Variants in CMIP observed in about 807,000 individuals in gnomAD.
CMIP encodes the protein c-Maf inducing protein.
In CMIP, 13 loss-of-function variants were observed where a neutral mutation model predicts 97.3. The ratio of observed to expected loss-of-function variants is 0.13; its 90% CI spans 0.09 to 0.21. The LOEUF (loss-of-function observed/expected upper bound fraction) is 0.21, where lower values mean the gene tolerates loss of function less well. Among genes scored for constraint, CMIP ranks in the 10% least tolerant of loss-of-function variants. CMIP has a pLI of 1.00. For missense variants in CMIP, 847 were observed against 1,024.9 expected (o/e 0.83, Z 2.37); for synonymous variants, 538 against 436.3 (o/e 1.23, Z -2.91).
intron 3 of CMIP, among the ~76,000 whole-genome samples, chr16:81,623,346 T>C (rs141457913): frequency 2.4e-4 from 37 of 152,376 alleles, no homozygotes; most frequent in African/African-American, 8.9e-4. Flanking sequence ...GGTTTATTTA[T>C]GGTTGCTAAA....
At chr16:81,519,628 C>T (rs1425111067) in intron 1 of CMIP, 1 of 152,244 alleles carries the variant, frequency 6.6e-6, no homozygotes, top group Non-Finnish European at 1.5e-5. Context: ...CATTTAACCT[C>T]ACTTGAGGAA....
At chr16:81,468,588 G>C (rs1032607491) in intron 1 of CMIP, among the ~76,000 whole-genome samples, 1 of 152,260 alleles carries the variant, frequency 6.6e-6, no homozygotes, top group African/African-American at 2.4e-5. Flanking sequence ...TGCCCTTATG[G>C]GGCACCTCCT....
At chr16:81,474,871 G>A (rs1256036215) in intron 1 of CMIP, among the ~76,000 whole-genome samples, 1 of 151,712 alleles carries the variant, frequency 6.6e-6, no homozygotes, top group Non-Finnish European at 1.5e-5. Context: ...GGCGGGCGGG[G>A]AGGGAGTCGA....
At chr16:81,624,376 A>G (rs946151717) in intron 3 of CMIP, among the ~76,000 whole-genome samples, 1 of 151,980 alleles carries the variant, frequency 6.6e-6, no homozygotes, top group Non-Finnish European at 1.5e-5. Flanking sequence ...TTTCTCTCCT[A>G]CACCAATATA....
intron 1 of CMIP, among the ~76,000 whole-genome samples, chr16:81,454,809 C>T (rs1906445964): frequency 6.6e-6 from 1 of 152,254 alleles, no homozygotes; most frequent in East Asian, 1.9e-4. Flanking sequence ...GAGACGCCAT[C>T]ATGGGGGTGG....
At chr16:81,639,781 A>G (rs947292703) in intron 3 of CMIP, among the ~76,000 whole-genome samples, 1 of 152,136 alleles carries the variant, frequency 6.6e-6, no homozygotes, top group Non-Finnish European at 1.5e-5. Context: ...CCTGCCCCCA[A>G]CACCAGTCTG....
rs761833253 is a variant in CMIP, at chr16:81,701,753, C to T, written c.1849C>T (p.Arg617Cys). The T allele has an allele frequency of 4.3e-6, 7 of 1,613,822 alleles. No individual in the cohort carries two copies. Among genetic ancestry groups the T allele is most frequent in the South Asian group, 2.2e-5 (2 of 91,088 alleles). The change falls in exon 16 of 21, where the codon CGC (arginine) becomes TGC (cysteine). Residue 617 changes from arginine to cysteine, a missense_variant. This residue lies in a region of CMIP where 266 missense variants were observed against 384.2 expected (regional missense o/e 0.69). Transcript: ENST00000537098. Reference sequence around the variant, plus strand: ...CCTGGAGAGCACAGACGTGGGGAAGCGCATGTACGAGCAGCTGTGTGACCG... The same window carrying T: ...CCTGGAGAGCACAGACGTGGGGAAGTGCATGTACGAGCAGCTGTGTGACCG... ...STLESTDVGK[R>C]MYEQLCDRQR...
intron 1 of CMIP, among the ~76,000 whole-genome samples, chr16:81,457,375 A>C (rs1452820915): frequency 2.6e-5 from 4 of 152,126 alleles, no homozygotes; most frequent in Non-Finnish European, 5.9e-5. Flanking sequence ...TTACAAAATC[A>C]AGAAGAAAAA....
chr16:81,526,300 T>C (rs1395234934), intron 1 of CMIP, among the ~76,000 whole-genome samples: 2 of 152,222 alleles, frequency 1.3e-5, no homozygotes, highest in East Asian at 3.8e-4. Context: ...AAAAGACATC[T>C]TTATGGTCAC....
intron 12 of CMIP, 79 bp downstream of exon 12, chr16:81,693,263 C>T: frequency 7.0e-7 from 1 of 1,432,754 alleles, no homozygotes; most frequent in Non-Finnish European, 9.7e-7. Context: ...GTGGCCCATG[C>T]ATTCTGGGAG....
At chr16:81,594,930 C>T (rs1043342780) in intron 1 of CMIP, among the ~76,000 whole-genome samples, 13 of 151,850 alleles carry the variant, frequency 8.6e-5, no homozygotes, top group African/African-American at 3.1e-4. Context: ...CGCGCCCGGC[C>T]ATACCTATGA....
At chr16:81,590,216 C>T (rs2091446259) in intron 1 of CMIP, among the ~76,000 whole-genome samples, 1 of 152,230 alleles carries the variant, frequency 6.6e-6, no homozygotes, top group Non-Finnish European at 1.5e-5. Flanking sequence ...CGGACAAAAA[C>T]ATCCCTCCCA....
intron 1 of CMIP, among the ~76,000 whole-genome samples, chr16:81,534,643 T>TAA (rs66515043): frequency 9.5e-5 from 14 of 146,680 alleles, no homozygotes; most frequent in African/African-American, 3.3e-4. Flanking sequence ...ACATTCCCCA[T>TAA]AAAAAAAAAA....
At position 81,444,835 on chromosome 16, in the gene CMIP, C is replaced by T. The variant is rs1905719646; in HGVS notation, c.-407C>T. Among the ~76,000 whole-genome samples the T allele has an allele frequency of 6.9e-6, 1 of 144,952 alleles. No homozygotes were observed. Among genetic ancestry groups the T allele is most frequent in the Non-Finnish European group, 1.5e-5 (1 of 65,166 alleles). ...TCTCGCCCGGACGGCCGCGCGGACACACGCTCTGTACACACGCGCGCGGCG... is the reference window on the plus strand; with the variant it reads ...TCTCGCCCGGACGGCCGCGCGGACATACGCTCTGTACACACGCGCGCGGCG... On this transcript the variant is annotated 5_prime_UTR_variant, in exon 1 of 21. Coordinates refer to ENST00000537098, the MANE Select transcript of CMIP (RefSeq NM_198390.3).
intron 1 of CMIP, among the ~76,000 whole-genome samples, chr16:81,533,076 C>T (rs1482908636): frequency 6.6e-6 from 1 of 152,162 alleles, no homozygotes; most frequent in Non-Finnish European, 1.5e-5. Context: ...TCATTCCATC[C>T]ATCCAAAAAG....
intron 1 of CMIP, among the ~76,000 whole-genome samples, chr16:81,552,759 T>A (rs1159512801): frequency 6.6e-6 from 1 of 152,232 alleles, no homozygotes; most frequent in Non-Finnish European, 1.5e-5. Context: ...GAGCTGCTCT[T>A]GTGCCTACCA....
At chr16:81,536,447 T>C (rs1328983793) in intron 1 of CMIP, among the ~76,000 whole-genome samples, 1 of 152,242 alleles carries the variant, frequency 6.6e-6, no homozygotes, top group Admixed American at 6.5e-5. Flanking sequence ...TATTCTCTTA[T>C]AGTTCATCTT....
intron 1 of CMIP, among the ~76,000 whole-genome samples, chr16:81,550,421 T>C (rs7186588): frequency 2.8e-4 from 42 of 152,202 alleles, no homozygotes; most frequent in African/African-American, 1.0e-3. Context: ...GCCCTGTCCA[T>C]GGAGGTGCAG....
At chr16:81,679,992 C>T (rs968629934) in intron 10 of CMIP, among the ~76,000 whole-genome samples, 1 of 152,212 alleles carries the variant, frequency 6.6e-6, no homozygotes, top group African/African-American at 2.4e-5. Flanking sequence ...ACAAGCTCTG[C>T]CCCACTCTCA....
Sources: allele counts gnomAD v4.1 joint callset (sites outside exome capture counted in the v4.1 genomes callset), GRCh38; gene constraint gnomAD v4.1.1; regional missense constraint gnomAD v4.1.1; transcripts MANE v1.5; gene names NCBI Gene and HGNC (gene_info 2026-07-23, HGNC 2026-07-21).